The following XG variants were observed in gnomAD, a reference collection of about 807,000 sequenced individuals.
The protein encoded by XG is glycoprotein Xg.
XG carries 24 observed loss-of-function variants against 25.7 expected under a neutral mutation model. The observed-to-expected ratio is 0.93, with a 90% CI of 0.68 to 1.31. XG has a LOEUF of 1.31. Ranked by LOEUF, XG falls within the 40% of genes most tolerant of loss-of-function variation. The pLI is 0.00. For missense variants in XG, 181 were observed against 187.6 expected (o/e 0.96, Z 0.21); for synonymous variants, 77 against 69.2 (o/e 1.11, Z -0.56).
At position 2,814,635 on chromosome X, in the gene XG, T is replaced by C; in HGVS notation, c.*255T>C. Reference sequence around the variant, plus strand: ...CTTGCAATGTTGGTTTGGCTATTCATTTGCACAAAGAGACTGTGGCTCTCT... The same window carrying C: ...CTTGCAATGTTGGTTTGGCTATTCACTTGCACAAAGAGACTGTGGCTCTCT... On this transcript the variant is annotated 3_prime_UTR_variant, in exon 11 of 11. Coordinates refer to ENST00000644266, the MANE Select transcript of XG (RefSeq NM_001141919.2). 2.9e-6 allele frequency: 1 copy of C among 347,983 alleles called. No homozygotes were observed. The highest frequency in any genetic ancestry group is 6.5e-5 in the South Asian group (1 of 15,439). 28.7% of individuals were successfully genotyped at this position (347,983 alleles called of 1,213,427 possible). A position where few individuals can be genotyped will look rare whatever the true frequency, so the allele number is the denominator to read the frequency against.
intron 7 of XG, among the ~76,000 whole-genome samples, chrX:2,801,881 C>A (rs111621764): frequency 1.8e-5 from 2 of 109,631 alleles, no homozygotes; most frequent in Non-Finnish European, 3.8e-5. Flanking sequence ...GCAATTTTTT[C>A]TATTTTTAGT....
chrX:2,813,531 C>T (rs1260522585), intron 10 of XG, among the ~76,000 whole-genome samples: 1 of 112,149 alleles, frequency 8.9e-6, no homozygotes, highest in African/African-American at 3.2e-5. Context: ...TAAAGGATGA[C>T]GTACATGGTA....
At chrX:2,792,332 C>A (rs1050613762) in intron 5 of XG, among the ~76,000 whole-genome samples, 17 of 109,749 alleles carry the variant, frequency 1.5e-4, no homozygotes, top group African/African-American at 5.3e-4. Context: ...GGAAACATCC[C>A]TTTTTTATTA....
intron 9 of XG, among the ~76,000 whole-genome samples, chrX:2,809,034 T>A (rs767978154): frequency 9.0e-6 from 1 of 111,285 alleles, no homozygotes; most frequent in East Asian, 2.8e-4. Context: ...TGGGATCCTG[T>A]AGCAAGGCAG....
intron 3 of XG, among the ~76,000 whole-genome samples, chrX:2,781,635 G>A (rs60075487): frequency 0.2 from 22,375 of 110,368 alleles, 1,844 homozygotes; most frequent in East Asian, 0.5. Flanking sequence ...TTCCTCCCCA[G>A]TTCATCGGTG....
chrX:2,763,058 G>A (rs2050599991), intron 1 of XG, among the ~76,000 whole-genome samples: 2 of 152,194 alleles, frequency 1.3e-5, no homozygotes, highest in South Asian at 4.1e-4. Context: ...CTGTCACCCA[G>A]GTTGCAGTGT....
chrX:2,786,258 G>GTTTTTTTTTTTTTTTTTT (rs1569039363), intron 4 of XG, among the ~76,000 whole-genome samples: 6 of 26,262 alleles, frequency 2.3e-4, no homozygotes, highest in African/African-American at 2.6e-4. Context: ...TATCCATGTT[G>GTTTTTTTTTTTTTTTTTT]TCTTTTTTTT....
chrX:2,770,410 T>C (rs2857323), intron 1 of XG, 140 bp from the exon 2 acceptor site: 392,448 of 809,350 alleles, frequency 0.48, 96,959 homozygotes, highest in South Asian at 0.63. Context: ...GCATCTCCCA[T>C]GTAGCTCATG....
chrX:2,775,238 T>A (rs1455215109), intron 3 of XG, among the ~76,000 whole-genome samples: 1 of 152,156 alleles, frequency 6.6e-6, no homozygotes, highest in Non-Finnish European at 1.5e-5. Context: ...TGTTAATCAG[T>A]GGAAGGAATG....
chrX:2,799,172 C>T (rs2086912782), intron 7 of XG, among the ~76,000 whole-genome samples: 1 of 110,604 alleles, frequency 9.0e-6, no homozygotes, highest in African/African-American at 3.3e-5. Context: ...GTTTGGTGTA[C>T]ACATTATGTC....
intron 7 of XG, among the ~76,000 whole-genome samples, chrX:2,799,758 G>A (rs1168771792): frequency 9.0e-5 from 10 of 111,633 alleles, no homozygotes; most frequent in Admixed American, 7.7e-4. Flanking sequence ...CCAAAAGGGG[G>A]AGGCAGGTTT....
At chrX:2,780,804 G>A (rs2064232890) in intron 3 of XG, among the ~76,000 whole-genome samples, 1 of 152,058 alleles carries the variant, frequency 6.6e-6, no homozygotes, top group African/African-American at 2.4e-5. Context: ...GCAGGGAGAG[G>A]GTTTTCAGGT....
chrX:2,774,617 A>C, intron 2 of XG, 99 bp from the exon 3 acceptor site: 1 of 1,326,054 alleles, frequency 7.5e-7, no homozygotes, highest in East Asian at 2.3e-5. Context: ...TGGCTTTGTC[A>C]CTCCCTTTTC....
chrX:2,768,600 TC>T (rs2050749840), intron 1 of XG, among the ~76,000 whole-genome samples: 1 of 152,088 alleles, frequency 6.6e-6, no homozygotes, highest in Non-Finnish European at 1.5e-5. Context: ...AAACCCTGTC[TC>T]TACTGAAAAT....
At position 2,758,203 on chromosome X, in the gene XG, C is replaced by T. The variant is rs1177053745; in HGVS notation, c.61+5868C>T. On this transcript the variant is annotated intron_variant, in intron 1 of 10. Transcript: ENST00000644266. ...TGTGGAAAGGGAACCACAAATGGGT[C>T]ATTTCCCTGCCATTGTCACCTGGAG... 5.9e-5 allele frequency among the ~76,000 whole-genome samples: 9 copies of T among 152,124 alleles called. No individual in the cohort carries two copies. In the South Asian group the frequency reaches 8.3e-4, roughly 14 times the overall value.
intron 3 of XG, among the ~76,000 whole-genome samples, chrX:2,775,281 A>G (rs750399011): frequency 6.6e-6 from 1 of 152,336 alleles, no homozygotes; most frequent in African/African-American, 2.4e-5. Flanking sequence ...CACACAATGG[A>G]ATATTATTTA....
intron 1 of XG, among the ~76,000 whole-genome samples, chrX:2,766,011 T>TA (rs957557421): frequency 6.6e-5 from 10 of 152,238 alleles, no homozygotes; most frequent in Non-Finnish European, 1.2e-4. Context: ...TGTCTATATT[T>TA]ATGCTTTGGT....
intron 5 of XG, among the ~76,000 whole-genome samples, chrX:2,792,619 C>T (rs2086848274): frequency 9.3e-6 from 1 of 107,948 alleles, no homozygotes; most frequent in Admixed American, 1.0e-4. Context: ...AGGCTGGTCA[C>T]AAACTCCTGG....
intron 1 of XG, among the ~76,000 whole-genome samples, chrX:2,766,265 T>G (rs990929501): frequency 3.3e-5 from 5 of 151,472 alleles, no homozygotes; most frequent in Non-Finnish European, 7.4e-5. Flanking sequence ...CTCAGCCTCC[T>G]GAGTAGCTGG....
Sources: gnomAD v4.1 joint callset for allele counts (sites outside exome capture counted in the v4.1 genomes callset) on GRCh38, gnomAD v4.1.1 for gene constraint, MANE v1.5 for transcripts, NCBI Gene and HGNC (gene_info 2026-07-23, HGNC 2026-07-21) for gene names.